The following EPHA3 variants were observed in gnomAD, a reference collection of about 807,000 sequenced individuals.
EPHA3 encodes EPH receptor A3.
EPHA3 carries 42 observed loss-of-function variants against 107.1 expected under a neutral mutation model. The observed-to-expected ratio is 0.39, with a 90% CI of 0.31 to 0.51. EPHA3 has a LOEUF of 0.51. Ranked by LOEUF, EPHA3 falls within the 20% of genes least tolerant of loss-of-function variation. EPHA3 has a pLI of 0.78. For synonymous variants in EPHA3, 461 were observed against 424.8 expected, an observed-to-expected ratio of 1.09 and a Z score of -1.05; for missense variants, 1,183 against 1,211.2, an observed-to-expected ratio of 0.98 and a Z score of 0.35.
intron 5 of EPHA3, among the ~76,000 whole-genome samples, chr3:89,390,140 C>T (rs951397873): frequency 1.3e-5 from 2 of 152,020 alleles, no homozygotes; most frequent in Admixed American, 6.6e-5. Flanking sequence ...TACAGTCACA[C>T]ACCACCACAA....
At chr3:89,188,381 C>G (rs916197242) in intron 2 of EPHA3, among the ~76,000 whole-genome samples, 1 of 152,126 alleles carries the variant, frequency 6.6e-6, no homozygotes, top group Non-Finnish European at 1.5e-5. Flanking sequence ...TTTTCATCAT[C>G]GACTTTTATT....
chr3:89,367,586 CA>C (rs532130207), intron 5 of EPHA3, among the ~76,000 whole-genome samples: 10 of 149,344 alleles, frequency 6.7e-5, no homozygotes, highest in East Asian at 3.9e-4. Flanking sequence ...AAAACAAAAA[CA>C]AAAAAAAACT....
chr3:89,456,780 A>G (rs1333497219), intron 15 of EPHA3, among the ~76,000 whole-genome samples: 3 of 152,184 alleles, frequency 2.0e-5, no homozygotes, highest in African/African-American at 7.2e-5. Context: ...GCTTTTTCTA[A>G]AAGTAGAGTA....
intron 2 of EPHA3, among the ~76,000 whole-genome samples, chr3:89,150,222 G>A (rs949642264): frequency 2.6e-5 from 4 of 151,946 alleles, no homozygotes; most frequent in Non-Finnish European, 5.9e-5. Flanking sequence ...AGATATGAAA[G>A]TCTAAGTGGT....
intron 3 of EPHA3, among the ~76,000 whole-genome samples, chr3:89,226,540 C>T (rs1017888449): frequency 6.6e-6 from 1 of 152,042 alleles, no homozygotes; most frequent in African/African-American, 2.4e-5. Flanking sequence ...TTTGTCATAA[C>T]ATACAGTATT....
chr3:89,460,032 C>G (rs1204060674), intron 15 of EPHA3, among the ~76,000 whole-genome samples: 2 of 151,960 alleles, frequency 1.3e-5, no homozygotes, highest in Admixed American at 6.6e-5. Flanking sequence ...TATTTTATAA[C>G]TGAAGCTAAA....
At chr3:89,453,945 C>T (rs1257108864) in intron 15 of EPHA3, among the ~76,000 whole-genome samples, 3 of 152,106 alleles carry the variant, frequency 2.0e-5, no homozygotes, top group Non-Finnish European at 4.4e-5. Flanking sequence ...TTCCTCTCTC[C>T]CTGTCTCCCT....
intron 2 of EPHA3, among the ~76,000 whole-genome samples, chr3:89,140,081 T>G (rs1704398167): frequency 6.6e-6 from 1 of 151,808 alleles, no homozygotes. Flanking sequence ...GTGTATCCCT[T>G]CATCACAACT....
chr3:89,400,137 AAT>A lies in EPHA3; in HGVS notation c.1594+661_1594+662del, dbSNP rs2107509556. On this transcript the variant is annotated intron_variant, in intron 7 of 16. Transcript: ENST00000336596. Reference sequence around the variant, plus strand: ...AAGGTAAAATTATGTCTATGGCACTAATATAAAATGAGTAGAAGTTAATGATT... The same window carrying A: ...AAGGTAAAATTATGTCTATGGCACTAATAAAATGAGTAGAAGTTAATGATT... 4.9e-6 allele frequency: 4 copies of A among 819,686 alleles called. No individual in the cohort carries two copies. The South Asian group carries it at 1.7e-4, about 35-fold the overall frequency. 50.8% of individuals were successfully genotyped at this position (819,686 alleles called of 1,614,324 possible). A position where few individuals can be genotyped will look rare whatever the true frequency, so the allele number is the denominator to read the frequency against.
chr3:89,212,175 T>C (rs1179056035), intron 3 of EPHA3, among the ~76,000 whole-genome samples: 1 of 152,022 alleles, frequency 6.6e-6, no homozygotes, highest in African/African-American at 2.4e-5. Context: ...TTTTAAAATA[T>C]GACTTTTATT....
intron 9 of EPHA3, among the ~76,000 whole-genome samples, chr3:89,409,726 T>C (rs1321285904): frequency 6.6e-6 from 1 of 152,036 alleles, no homozygotes; most frequent in African/African-American, 2.4e-5. Flanking sequence ...GACCTTTTAT[T>C]TGGTATTACT....
At chr3:89,197,977 A>G (rs532008018) in intron 2 of EPHA3, among the ~76,000 whole-genome samples, 3 of 152,278 alleles carry the variant, frequency 2.0e-5, no homozygotes, top group Admixed American at 1.3e-4. Context: ...CCCTGTCTCA[A>G]AAAAATAAAA....
intron 3 of EPHA3, among the ~76,000 whole-genome samples, chr3:89,218,503 A>G (rs1704273393): frequency 6.6e-6 from 1 of 151,844 alleles, no homozygotes; most frequent in African/African-American, 2.4e-5. Context: ...TCCATGGTGT[A>G]TATGTGCCAC....
At chr3:89,409,283 C>T (rs1426272981) in intron 9 of EPHA3, among the ~76,000 whole-genome samples, 5 of 152,056 alleles carry the variant, frequency 3.3e-5, no homozygotes, top group African/African-American at 1.2e-4. Flanking sequence ...GAACAAGTTA[C>T]AGGATCCTTG....
intron 3 of EPHA3, among the ~76,000 whole-genome samples, chr3:89,286,988 C>T (rs1157102096): frequency 3.9e-5 from 6 of 152,096 alleles, no homozygotes; most frequent in African/African-American, 1.4e-4. Flanking sequence ...TTTGCCTCCA[C>T]TGGAATGTAA....
At chr3:89,305,818 G>T (rs1390400238) in intron 3 of EPHA3, among the ~76,000 whole-genome samples, 1 of 152,092 alleles carries the variant, frequency 6.6e-6, no homozygotes, top group Admixed American at 6.6e-5. Context: ...ATAAAATTTT[G>T]TGTTAATCAA....
chr3:89,475,821 T>TA (rs149169070), intron 16 of EPHA3, among the ~76,000 whole-genome samples: 5,140 of 152,200 alleles, frequency 0.034, 286 homozygotes, highest in African/African-American at 0.12. Context: ...AGCTGCTCTT[T>TA]AGTCTTGAAC....
At chr3:89,196,431 C>T (rs1465125583) in intron 2 of EPHA3, among the ~76,000 whole-genome samples, 1 of 111,814 alleles carries the variant, frequency 8.9e-6, no homozygotes. Context: ...GATTTCAAGT[C>T]ATAGATTTCA....
rs543140504 is a variant in EPHA3, at chr3:89,460,228, C to G, written c.2690+9858C>G. ...TTTCTTCTTAAGTTCACAGAATTTC[C>G]ACTAGCCAGGTATTGAATTCTTCTA... On this transcript the variant is annotated intron_variant, in intron 15 of 16. Transcript: ENST00000336596. 2.7e-4 allele frequency among the ~76,000 whole-genome samples: 41 copies of G among 152,096 alleles called. 1 individual carries two copies. In the South Asian group the frequency reaches 7.7e-3, roughly 28 times the overall value.
Sources: gnomAD v4.1 joint callset for allele counts (sites outside exome capture counted in the v4.1 genomes callset) on GRCh38, gnomAD v4.1.1 for gene constraint, MANE v1.5 for transcripts, NCBI Gene and HGNC (gene_info 2026-07-23, HGNC 2026-07-21) for gene names.